The following OTUD7A variants were observed in gnomAD, a reference collection of about 807,000 sequenced individuals.
OTUD7A encodes the protein OTU deubiquitinase 7A, also known as OTU domain-containing protein 7A.
OTUD7A carries 12 observed loss-of-function variants against 65.7 expected under a neutral mutation model. The ratio of observed to expected loss-of-function variants is 0.18; its 90% confidence interval spans 0.12 to 0.30. OTUD7A has a LOEUF of 0.30. OTUD7A is among the 10% of genes least tolerant of loss of function. OTUD7A has a pLI of 1.00. For missense variants in OTUD7A, 1,148 were observed against 1,304.8 expected, an observed-to-expected ratio of 0.88 and a Z score of 1.85; for synonymous variants, 641 against 586.3, an observed-to-expected ratio of 1.09 and a Z score of -1.35.
chr15:31,688,465 C>A (rs1892891303), intron 1 of OTUD7A, among the ~76,000 whole-genome samples: 1 of 151,746 alleles, frequency 6.6e-6, no homozygotes, highest in Non-Finnish European at 1.5e-5. Flanking sequence ...GAAAGCAGGC[C>A]TTTAGTTCAG....
At chr15:31,634,311 C>T (rs12913866) in intron 3 of OTUD7A, among the ~76,000 whole-genome samples, 43,741 of 152,018 alleles carry the variant, frequency 0.29, 7,438 homozygotes, top group African/African-American at 0.47. Flanking sequence ...CTCTCTGCCA[C>T]TGCTGACAAA....
chr15:31,856,076 C>G (rs975491317), intron 1 of OTUD7A, among the ~76,000 whole-genome samples: 2 of 152,192 alleles, frequency 1.3e-5, no homozygotes, highest in Non-Finnish European at 2.9e-5. Flanking sequence ...CTTTTAGAAA[C>G]TTTTATGCTC....
intron 3 of OTUD7A, among the ~76,000 whole-genome samples, chr15:31,628,668 A>G (rs1370763459): frequency 2.6e-5 from 4 of 152,112 alleles, no homozygotes; most frequent in African/African-American, 7.2e-5. Context: ...CATTGAATCT[A>G]TAAATTACCT....
intron 8 of OTUD7A, among the ~76,000 whole-genome samples, chr15:31,516,554 G>A (rs2041859195): frequency 6.6e-6 from 1 of 152,208 alleles, no homozygotes; most frequent in South Asian, 2.1e-4. Context: ...ACCTGAGGGT[G>A]TAGAGGGTGT....
chr15:31,823,974 T>C (rs1896744115), intron 1 of OTUD7A, among the ~76,000 whole-genome samples: 1 of 152,256 alleles, frequency 6.6e-6, no homozygotes, highest in South Asian at 2.1e-4. Flanking sequence ...ATTTCATTCA[T>C]AATGCATCTT....
intron 1 of OTUD7A, among the ~76,000 whole-genome samples, chr15:31,743,331 T>C (rs1894391582): frequency 6.6e-6 from 1 of 152,008 alleles, no homozygotes; most frequent in South Asian, 2.1e-4. Context: ...AATATTTGGA[T>C]ACTAAATAAC....
intron 1 of OTUD7A, chr15:31,766,549 C>A (rs1261886710): frequency 6.2e-7 from 1 of 1,613,006 alleles, no homozygotes; most frequent in African/African-American, 1.3e-5. Flanking sequence ...GCTGTTTGCA[C>A]ACTTGTGCTG....
chr15:31,605,288 C>T (rs963947518), intron 3 of OTUD7A, among the ~76,000 whole-genome samples: 3 of 152,202 alleles, frequency 2.0e-5, no homozygotes, highest in African/African-American at 7.2e-5. Context: ...ATCATTCTGG[C>T]TCCCTCTATC....
chr15:31,856,120 G>C (rs1222302512), intron 1 of OTUD7A, among the ~76,000 whole-genome samples: 1 of 152,196 alleles, frequency 6.6e-6, no homozygotes, highest in Non-Finnish European at 1.5e-5. Flanking sequence ...AATTCAGCAA[G>C]TCTTTAATCA....
chr15:31,637,176 C>T (rs1891368576), intron 3 of OTUD7A, among the ~76,000 whole-genome samples: 1 of 152,214 alleles, frequency 6.6e-6, no homozygotes, highest in African/African-American at 2.4e-5. Context: ...CTCTGCCTGG[C>T]TTCAAAGCTT....
At chr15:31,769,815 G>A (rs998472426) in intron 1 of OTUD7A, among the ~76,000 whole-genome samples, 10 of 152,182 alleles carry the variant, frequency 6.6e-5, no homozygotes, top group Admixed American at 2.6e-4. Context: ...TAGGAGTAAA[G>A]GAAGGGCTCA....
At chr15:31,672,404 G>GTTT (rs1892504076) in intron 1 of OTUD7A, among the ~76,000 whole-genome samples, 1 of 152,216 alleles carries the variant, frequency 6.6e-6, no homozygotes, top group Admixed American at 6.5e-5. Flanking sequence ...TTTGAATGGA[G>GTTT]TTAAAAAGAT....
intron 1 of OTUD7A, among the ~76,000 whole-genome samples, chr15:31,779,342 T>C (rs1895475188): frequency 1.3e-5 from 2 of 152,232 alleles, no homozygotes; most frequent in African/African-American, 2.4e-5. Flanking sequence ...TTCACTGATA[T>C]AAACTTTCAC....
intron 4 of OTUD7A, among the ~76,000 whole-genome samples, chr15:31,559,957 AC>A (rs1348851099): frequency 6.6e-6 from 1 of 152,166 alleles, no homozygotes; most frequent in Non-Finnish European, 1.5e-5. Flanking sequence ...GGTATGTGGC[AC>A]TTATTCACAA....
At chr15:31,717,110 T>C (rs992521770) in intron 1 of OTUD7A, among the ~76,000 whole-genome samples, 1 of 152,224 alleles carries the variant, frequency 6.6e-6, no homozygotes, top group Non-Finnish European at 1.5e-5. Flanking sequence ...TTTCATCCAT[T>C]GTCCCAACAA....
intron 1 of OTUD7A, among the ~76,000 whole-genome samples, chr15:31,775,130 T>C (rs1195542151): frequency 2.0e-5 from 3 of 151,076 alleles, no homozygotes; most frequent in Non-Finnish European, 2.9e-5. Flanking sequence ...CCCTCCCCTC[T>C]TCAACACTTA....
Position 31,498,495 on chromosome 15 carries a change from T to C in OTUD7A, c.1171+3195A>G, listed in dbSNP as rs923976152. 6.6e-6 allele frequency among the ~76,000 whole-genome samples: 1 copy of C among 152,196 alleles called. No individual in the cohort carries two copies. The highest frequency in any genetic ancestry group is 2.1e-4 in the South Asian group (1 of 4,830). On this transcript the variant is annotated intron_variant, in intron 10 of 12. Coordinates refer to ENST00000307050, the MANE Select transcript of OTUD7A (RefSeq NM_001382637.1). This position sits in a 1 kb window ranked among gnomAD's most constrained non-coding sequence, Gnocchi z 4.2. ...GATTCCAAAGTTCTTTCCTAGGTTC[T>C]ATGTTTCCAGGAACTATGCGGCACC...
chr15:31,619,844 C>T (rs1187332374), intron 3 of OTUD7A, among the ~76,000 whole-genome samples: 1 of 152,160 alleles, frequency 6.6e-6, no homozygotes, highest in Non-Finnish European at 1.5e-5. Context: ...CTGTCTGTGC[C>T]AGTTTTCAAA....
chr15:31,577,271 C>T lies in OTUD7A; in HGVS notation c.152-7074G>A, dbSNP rs548304800. 3.3e-5 allele frequency among the ~76,000 whole-genome samples: 5 copies of T among 152,188 alleles called. No homozygotes were observed. The East Asian group carries it at 7.7e-4, about 24-fold the overall frequency. On this transcript the variant is annotated intron_variant, in intron 3 of 12. Transcript: ENST00000307050. ...CACGTTGTAAGGTCTGAAACATTTG[C>T]GATGTATTCTCTCTGAAGGCTGCTA...
Sources: allele counts gnomAD v4.1 joint callset (sites outside exome capture counted in the v4.1 genomes callset), GRCh38; gene constraint gnomAD v4.1.1; non-coding constraint Gnocchi (gnomAD v3.1); transcripts MANE v1.5; gene names NCBI Gene and HGNC (gene_info 2026-07-23, HGNC 2026-07-21).